MC2R: variants seen among roughly 807,000 people sequenced by gnomAD.
The protein encoded by MC2R is adrenocorticotropic hormone receptor.
Under a neutral mutation model 9.8 loss-of-function variants are expected in MC2R, and 9 were observed. The ratio of observed to expected loss-of-function variants is 0.92; its 90% CI spans 0.55 to 1.60. The LOEUF (loss-of-function observed/expected upper bound fraction) is 1.60, where lower values mean the gene tolerates loss of function less well. Among genes scored for constraint, MC2R ranks in the 40% most tolerant of loss-of-function variants. MC2R has a pLI of 0.00. For missense variants in MC2R, 370 were observed against 389.0 expected, an observed-to-expected ratio of 0.95 and a Z score of 0.41; for synonymous variants, 185 against 154.7, an observed-to-expected ratio of 1.20 and a Z score of -1.45.
At chr18:13,897,151 AC>A (rs542583471) in intron 1 of MC2R, among the ~76,000 whole-genome samples, 17 of 151,794 alleles carry the variant, frequency 1.1e-4, no homozygotes, top group Non-Finnish European at 1.8e-4. Flanking sequence ...TGCAGACACC[AC>A]CCCCCCAAAC....
chr18:13,906,246 G>T (rs1218703180), intron 1 of MC2R, among the ~76,000 whole-genome samples: 1 of 152,186 alleles, frequency 6.6e-6, no homozygotes, highest in African/African-American at 2.4e-5. Context: ...ATACTATGCA[G>T]CCATAAAAAG....
At position 13,885,313 on chromosome 18, in the gene MC2R, GATATGGCC is replaced by G; in HGVS notation, c.198_205del (p.Leu66PhefsTer2). The stretch of plus-strand genomic sequence containing the variant: ...CTTATATAGGCTGCCCAGCATATCA[GATATGGCC>G]AAGCTACAGATGAAAAAGTACATGG... On this transcript the variant is annotated frameshift_variant, in exon 2 of 2. Coordinates refer to ENST00000327606, the MANE Select transcript of MC2R (RefSeq NM_000529.2). LOFTEE classifies it high-confidence loss of function. 6.2e-7 allele frequency: 1 copy of G among 1,614,144 alleles called. No homozygotes were observed. Among genetic ancestry groups the G allele is most frequent in the Non-Finnish European group, 8.5e-7 (1 of 1,180,028 alleles).
intron 1 of MC2R, among the ~76,000 whole-genome samples, chr18:13,892,858 C>T (rs935606157): frequency 8.6e-5 from 13 of 151,468 alleles, no homozygotes; most frequent in African/African-American, 3.2e-4. Flanking sequence ...CACACACACA[C>T]ATCTGTTGCC....
chr18:13,902,362 CA>C (rs940961876), intron 1 of MC2R, among the ~76,000 whole-genome samples: 2 of 152,056 alleles, frequency 1.3e-5, no homozygotes, highest in African/African-American at 4.8e-5. Context: ...TATGGAACCA[CA>C]AGAGACTCAG....
intron 1 of MC2R, among the ~76,000 whole-genome samples, chr18:13,899,485 GAGAA>G (rs1370970655): frequency 6.6e-6 from 1 of 152,150 alleles, no homozygotes; most frequent in African/African-American, 2.4e-5. Context: ...CCCAAACCTA[GAGAA>G]AGATACCAAT....
intron 1 of MC2R, among the ~76,000 whole-genome samples, chr18:13,901,896 C>G (rs978608627): frequency 1.1e-4 from 16 of 152,016 alleles, no homozygotes; most frequent in African/African-American, 3.9e-4. Context: ...ACCAGTATTA[C>G]CCTGACACCA....
chr18:13,911,736 T>C (rs1180969236), intron 1 of MC2R, among the ~76,000 whole-genome samples: 1 of 152,126 alleles, frequency 6.6e-6, no homozygotes, highest in African/African-American at 2.4e-5. Context: ...AAAAAGGAGA[T>C]TGGGGCATAT....
chr18:13,888,618 A>G (rs1290427838), intron 1 of MC2R, among the ~76,000 whole-genome samples: 1 of 152,008 alleles, frequency 6.6e-6, no homozygotes, highest in East Asian at 1.9e-4. Flanking sequence ...CAGACACAGC[A>G]CCCCCTACTC....
chr18:13,884,543 A>C lies in MC2R; in HGVS notation c.*82T>G, dbSNP rs954445884. 1 of 1,458,964 alleles carries C rather than the reference A, an allele frequency of 6.9e-7. No individual in the cohort carries two copies. The highest frequency in any genetic ancestry group is 9.5e-7 in the Non-Finnish European group (1 of 1,052,138). 90.4% of individuals were successfully genotyped at this position (1,458,964 alleles called of 1,614,324 possible). A position where few individuals can be genotyped will look rare whatever the true frequency, so the allele number is the denominator to read the frequency against. On this transcript the variant is annotated 3_prime_UTR_variant, in exon 2 of 2. Coordinates refer to ENST00000327606, the MANE Select transcript of MC2R (RefSeq NM_000529.2). ...TAGGGAAGGAAGGCCAGTGAGGAGC[A>C]CTGGCATTTGTTGGAATGTTACACT...
chr18:13,890,028 A>G (rs1351366213), intron 1 of MC2R, among the ~76,000 whole-genome samples: 2 of 152,356 alleles, frequency 1.3e-5, no homozygotes, highest in East Asian at 3.9e-4. Context: ...TTGATAAGGA[A>G]GTTTTAATGG....
intron 1 of MC2R, among the ~76,000 whole-genome samples, chr18:13,892,687 C>T (rs1208769385): frequency 2.0e-5 from 3 of 151,842 alleles, no homozygotes; most frequent in Non-Finnish European, 2.9e-5. Flanking sequence ...GTCTTGACAC[C>T]CCATGGTTCA....
chr18:13,895,717 C>T (rs61654694), intron 1 of MC2R, among the ~76,000 whole-genome samples: 9,804 of 152,160 alleles, frequency 0.064, 995 homozygotes, highest in African/African-American at 0.22. Flanking sequence ...TGGTTTTGGC[C>T]CGGAGCTCCA....
intron 1 of MC2R, among the ~76,000 whole-genome samples, chr18:13,902,807 C>A (rs1202668478): frequency 6.6e-6 from 1 of 152,120 alleles, no homozygotes; most frequent in Non-Finnish European, 1.5e-5. Context: ...TAATACCCGA[C>A]AAGCACAGGT....
Position 13,884,394 on chromosome 18 carries a change from C to T in MC2R, c.*231G>A, listed in dbSNP as rs1035302931. The T allele has an allele frequency of 2.0e-5, 12 of 592,972 alleles. No homozygotes were observed. Among genetic ancestry groups the T allele is most frequent in the South Asian group, 1.6e-4 (8 of 50,994 alleles). The allele number at this position is 592,972 out of a possible 1,614,324, so 36.7% of individuals were successfully genotyped here. A position where few individuals can be genotyped will look rare whatever the true frequency, so the allele number is the denominator to read the frequency against. ...CCTACCTAATACTTTGTATTCTATC[C>T]TTCTTTTACTACATCGTTTTATCTG... On this transcript the variant is annotated 3_prime_UTR_variant, in exon 2 of 2. Coordinates refer to ENST00000327606, the MANE Select transcript of MC2R (RefSeq NM_000529.2).
chr18:13,899,288 T>A (rs1434525582), intron 1 of MC2R, among the ~76,000 whole-genome samples: 1 of 151,924 alleles, frequency 6.6e-6, no homozygotes, highest in African/African-American at 2.4e-5. Context: ...TGAGCATGAA[T>A]ACAGCCTATT....
chr18:13,900,042 A>G (rs769394508), intron 1 of MC2R, among the ~76,000 whole-genome samples: 3 of 152,164 alleles, frequency 2.0e-5, no homozygotes, highest in Middle Eastern at 3.2e-3. Flanking sequence ...TATAATAACT[A>G]CAACAAATTT....
chr18:13,914,625 C>A (rs540787625), intron 1 of MC2R, among the ~76,000 whole-genome samples: 2 of 152,154 alleles, frequency 1.3e-5, no homozygotes, highest in African/African-American at 4.8e-5. Flanking sequence ...TGTATGTTTA[C>A]AAGTGTGCAC....
At chr18:13,914,537 C>T (rs181465658) in intron 1 of MC2R, among the ~76,000 whole-genome samples, 1 of 152,328 alleles carries the variant, frequency 6.6e-6, no homozygotes, top group Admixed American at 6.5e-5. Flanking sequence ...CTGATCTGCT[C>T]AAGGCTGTAC....
chr18:13,913,126 T>C (rs1275777076), intron 1 of MC2R, among the ~76,000 whole-genome samples: 1 of 152,040 alleles, frequency 6.6e-6, no homozygotes, highest in Non-Finnish European at 1.5e-5. Flanking sequence ...CGAAGGAAAG[T>C]CCCGAGAATG....
Sources: allele counts gnomAD v4.1 joint callset (sites outside exome capture counted in the v4.1 genomes callset), GRCh38; gene constraint gnomAD v4.1.1; transcripts MANE v1.5; gene names NCBI Gene and HGNC (gene_info 2026-07-23, HGNC 2026-07-21).